CCPG1: variants seen among roughly 807,000 people sequenced by gnomAD.
CCPG1 encodes cell cycle progression protein 1.
Under a neutral mutation model 81.3 loss-of-function variants are expected in CCPG1, and 46 were observed. The ratio of observed to expected loss-of-function variants is 0.57; its 90% CI spans 0.45 to 0.72. CCPG1 has a LOEUF of 0.72. CCPG1 is among the 30% of genes least tolerant of loss of function. CCPG1 has a pLI of 0.00. For missense variants in CCPG1, 902 were observed against 937.6 expected (o/e 0.96, Z 0.50); for synonymous variants, 330 against 305.2 (o/e 1.08, Z -0.85).
chr15:55,368,488 G>A (rs1282207071), intron 6 of CCPG1, among the ~76,000 whole-genome samples: 1 of 152,072 alleles, frequency 6.6e-6, no homozygotes, highest in Non-Finnish European at 1.5e-5. Flanking sequence ...TAGATATCTT[G>A]TTATATAATA....
At chr15:55,402,521 A>C (rs1595869603) in intron 1 of CCPG1, among the ~76,000 whole-genome samples, 1 of 151,972 alleles carries the variant, frequency 6.6e-6, no homozygotes, top group African/African-American at 2.4e-5. Context: ...GAGCCACCAC[A>C]CCCAGCCAAT....
intron 2 of CCPG1, among the ~76,000 whole-genome samples, chr15:55,386,255 C>G (rs2056797350): frequency 6.6e-6 from 1 of 151,210 alleles, no homozygotes; most frequent in Admixed American, 6.6e-5. Flanking sequence ...GAGAAACACC[C>G]ATATGCAAAT....
chr15:55,378,606 A>AT (rs11370083), intron 3 of CCPG1, among the ~76,000 whole-genome samples: 48,616 of 146,584 alleles, frequency 0.33, 9,105 homozygotes, highest in Non-Finnish European at 0.45. Context: ...ATCATTTAAG[A>AT]TTTTTTTTTT....
chr15:55,388,824 A>G (rs887059971), intron 2 of CCPG1, among the ~76,000 whole-genome samples: 5 of 151,570 alleles, frequency 3.3e-5, no homozygotes, highest in African/African-American at 1.2e-4. Context: ...TAAGCCCAGC[A>G]TGTTGGGAAG....
chr15:55,407,228 CA>C (rs33932364), intron 1 of CCPG1, among the ~76,000 whole-genome samples: 25,809 of 144,856 alleles, frequency 0.18, 3,805 homozygotes, highest in African/African-American at 0.41. Context: ...AACCCTCTCT[CA>C]AAAAAAAAAA....
intron 1 of CCPG1, among the ~76,000 whole-genome samples, chr15:55,396,154 C>CAAAAAAAAAAAA: frequency 8.1e-6 from 1 of 123,092 alleles, no homozygotes; most frequent in Non-Finnish European, 1.7e-5. Flanking sequence ...ACTCCACCTC[C>CAAAAAAAAAAAA]AAAAAAAAAA....
At chr15:55,390,090 A>G (rs2056884881) in intron 1 of CCPG1, among the ~76,000 whole-genome samples, 1 of 151,892 alleles carries the variant, frequency 6.6e-6, no homozygotes, top group Non-Finnish European at 1.5e-5. Flanking sequence ...CGCCCCACTA[A>G]TTTTTGTATT....
intron 1 of CCPG1, among the ~76,000 whole-genome samples, chr15:55,394,165 T>C (rs1461395068): frequency 1.3e-5 from 2 of 152,122 alleles, no homozygotes; most frequent in African/African-American, 4.8e-5. Context: ...GCTAATTTCT[T>C]TTTAAGAGTC....
At chr15:55,397,074 C>T (rs1457579963) in intron 1 of CCPG1, among the ~76,000 whole-genome samples, 2 of 152,088 alleles carry the variant, frequency 1.3e-5, no homozygotes, top group African/African-American at 4.8e-5. Context: ...ATTAGCCGGG[C>T]GTGGTAGCGG....
At position 55,378,291 on chromosome 15, in the gene CCPG1, C is replaced by T. The variant is rs376872079; in HGVS notation, c.252+9G>A. On this transcript the variant is annotated intron_variant, in intron 4 of 8. Coordinates refer to ENST00000442196, the MANE Select transcript of CCPG1 (RefSeq NM_001204450.2). ...TAACATATATCCACAGTGTAAAATA[C>T]AAGTTTACCTCAATTGTTGAGCTGG... The T allele has an allele frequency of 3.8e-6, 6 of 1,560,260 alleles. No individual in the cohort carries two copies. The East Asian group carries it at 9.0e-5, about 23-fold the overall frequency.
chr15:55,371,894 G>C lies in CCPG1; in HGVS notation c.605C>G (p.Pro202Arg). 6.2e-7 allele frequency: 1 copy of C among 1,614,080 alleles called. No homozygotes were observed. The highest frequency in any genetic ancestry group is 8.5e-7 in the Non-Finnish European group (1 of 1,179,976). ...DRLVAEQETE[P>R]SKELSKRQFS... ...CTGACGTTTACTCAACTCCTTAGAAGGTTCAGTTTCTTGTTCAGCAACTAG... is the reference window on the plus strand; with the variant it reads ...CTGACGTTTACTCAACTCCTTAGAACGTTCAGTTTCTTGTTCAGCAACTAG... Residue 202 changes from proline to arginine, a missense_variant, in exon 6 of 9, where the codon CCT becomes CGT. Pro to Arg is a moderately radical substitution (Grantham distance 103, BLOSUM62 -2). Transcript: ENST00000442196.
chr15:55,386,668 G>A (rs940828535), intron 2 of CCPG1, among the ~76,000 whole-genome samples: 6 of 152,168 alleles, frequency 3.9e-5, no homozygotes, highest in Non-Finnish European at 5.9e-5. Flanking sequence ...CCTGAGGCGG[G>A]CGGATCACGA....
chr15:55,369,961 A>G (rs2056413030), intron 6 of CCPG1, among the ~76,000 whole-genome samples: 1 of 152,168 alleles, frequency 6.6e-6, no homozygotes, highest in South Asian at 2.1e-4. Context: ...GGAAAATCAT[A>G]CTCAAATACT....
At chr15:55,379,586 C>T (rs1470991286) in intron 3 of CCPG1, among the ~76,000 whole-genome samples, 1 of 151,774 alleles carries the variant, frequency 6.6e-6, no homozygotes, top group Non-Finnish European at 1.5e-5. Context: ...AATCCCAGGA[C>T]TTTGGTAGGC....
chr15:55,397,502 G>T (rs2057044238), intron 1 of CCPG1, among the ~76,000 whole-genome samples: 1 of 152,148 alleles, frequency 6.6e-6, no homozygotes, highest in Admixed American at 6.6e-5. Context: ...CTAGAATGGT[G>T]GCAGTGAAGA....
At position 55,400,764 on chromosome 15, in the gene CCPG1, A is replaced by G. The variant is rs982688221; in HGVS notation, c.-10+7457T>C. On this transcript the variant is annotated intron_variant, in intron 1 of 8. Transcript: ENST00000442196. ...TAATCTGCACTTCCAGGAAGACTTC[A>G]GTGGGGCTGTGCATCTTGTGTTTAC... is the stretch of plus-strand genomic sequence containing the variant. Among the ~76,000 whole-genome samples, 13 of 152,318 alleles carry G rather than the reference A, an allele frequency of 8.5e-5. 1 individual carries two copies. The highest frequency in any genetic ancestry group is 7.2e-4 in the Admixed American group (11 of 15,290).
intron 7 of CCPG1, 142 bp downstream of exon 7, chr15:55,365,046 A>G (rs1359201672): frequency 3.5e-6 from 2 of 573,132 alleles, no homozygotes; most frequent in African/African-American, 3.9e-5. Context: ...AATGACTAGG[A>G]CACACTAAAT....
chr15:55,406,450 G>GTT (rs751788415), intron 1 of CCPG1, among the ~76,000 whole-genome samples: 222 of 89,066 alleles, frequency 2.5e-3, no homozygotes, highest in African/African-American at 3.2e-3. Flanking sequence ...TTTTTTTTTT[G>GTT]TTTTTTTTTT....
chr15:55,381,067 G>A (rs1352590110), intron 3 of CCPG1, among the ~76,000 whole-genome samples: 1 of 151,884 alleles, frequency 6.6e-6, no homozygotes, highest in African/African-American at 2.4e-5. Context: ...AACCCGGGAG[G>A]CGGAGCTTGC....
Sources: allele counts gnomAD v4.1 joint callset (sites outside exome capture counted in the v4.1 genomes callset), GRCh38; gene constraint gnomAD v4.1.1; transcripts MANE v1.5; gene names NCBI Gene and HGNC (gene_info 2026-07-23, HGNC 2026-07-21).